NRG1: variants seen among roughly 807,000 people sequenced by gnomAD.
NRG1 encodes the protein pro-neuregulin-1, membrane-bound isoform.
A neutral mutation model predicts 63.8 loss-of-function variants in NRG1; 18 were observed. The ratio of observed to expected loss-of-function variants is 0.28; its 90% CI spans 0.19 to 0.42. The LOEUF is 0.42. Among genes scored for constraint, NRG1 ranks in the 10% least tolerant of loss-of-function variants. The pLI, the probability that NRG1 is intolerant of heterozygous loss-of-function variation, is 1.00. For missense variants in NRG1, 762 were observed against 814.7 expected, an observed-to-expected ratio of 0.94 and a Z score of 0.79; for synonymous variants, 302 against 301.3, an observed-to-expected ratio of 1.00 and a Z score of -0.02.
At chr8:32,452,034 G>A (rs1466760469) in intron 1 of NRG1, among the ~76,000 whole-genome samples, 1 of 152,010 alleles carries the variant, frequency 6.6e-6, no homozygotes, top group Non-Finnish European at 1.5e-5. Context: ...CATCATGTTG[G>A]CCAGGCTGAT....
At chr8:32,240,316 GT>G (rs1227686474) in intron 1 of NRG1, among the ~76,000 whole-genome samples, 10 of 152,196 alleles carry the variant, frequency 6.6e-5, no homozygotes, top group African/African-American at 2.4e-4. Flanking sequence ...AAGATTTCAT[GT>G]GATGTGATTT....
At chr8:32,571,927 C>T (rs1323777084) in intron 1 of NRG1, among the ~76,000 whole-genome samples, 1 of 152,132 alleles carries the variant, frequency 6.6e-6, no homozygotes, top group Non-Finnish European at 1.5e-5. Flanking sequence ...TAGTCAGAGA[C>T]TGAGCTGGAA....
intron 1 of NRG1, among the ~76,000 whole-genome samples, chr8:31,918,839 T>TC (rs956933530): frequency 1.1e-4 from 2 of 17,766 alleles, no homozygotes; most frequent in African/African-American, 4.1e-4. Context: ...TCCTGGACTC[T>TC]TTTTGGTTGG....
chr8:32,061,838 G>T (rs1586820365), intron 1 of NRG1: 1 of 152,074 alleles, frequency 6.6e-6, no homozygotes, highest in East Asian at 1.9e-4. Context: ...CATTAGGTGA[G>T]AAACATGAAC....
intron 1 of NRG1, among the ~76,000 whole-genome samples, chr8:32,486,861 G>A (rs1011744270): frequency 6.6e-6 from 1 of 152,036 alleles, no homozygotes; most frequent in African/African-American, 2.4e-5. Context: ...CTGACCTCAA[G>A]CAATTCACTT....
At chr8:32,641,457 T>G (rs1410504229) in intron 5 of NRG1, among the ~76,000 whole-genome samples, 2 of 152,100 alleles carry the variant, frequency 1.3e-5, no homozygotes, top group Non-Finnish European at 2.9e-5. Flanking sequence ...ACCAATAAAC[T>G]GTGTTTGTAG....
chr8:32,701,465 A>G (rs1332123976), intron 5 of NRG1, among the ~76,000 whole-genome samples: 1 of 152,178 alleles, frequency 6.6e-6, no homozygotes, highest in Non-Finnish European at 1.5e-5. Context: ...CAACTCAGTG[A>G]TAGAGGGGCG....
rs182187391 is a variant in NRG1, at chr8:32,128,394, G to A, written c.38-467434G>A. 4.6e-5 allele frequency among the ~76,000 whole-genome samples: 7 copies of A among 152,030 alleles called. No individual in the cohort carries two copies. In the East Asian group the frequency reaches 7.8e-4, roughly 17 times the overall value. ...ACATGGCAGGAAGTTAACAGGACAC[G>A]TTTGCAGTTCCAGTTTCATTGTCAA... On this transcript the variant is annotated intron_variant, in intron 1 of 10. Coordinates refer to the NRG1 transcript ENST00000519301.
At chr8:32,177,089 C>T (rs1382076323) in intron 1 of NRG1, among the ~76,000 whole-genome samples, 3 of 152,076 alleles carry the variant, frequency 2.0e-5, no homozygotes, top group Non-Finnish European at 4.4e-5. Flanking sequence ...AAATGCCCAA[C>T]AATGATAGAC....
At chr8:31,937,108 C>G (rs1801027622) in intron 1 of NRG1, among the ~76,000 whole-genome samples, 1 of 152,190 alleles carries the variant, frequency 6.6e-6, no homozygotes, top group Admixed American at 6.5e-5. Flanking sequence ...CAGAGTCAGC[C>G]TTCTCTCTTC....
chr8:32,010,988 A>T (rs375263361), intron 1 of NRG1, among the ~76,000 whole-genome samples: 3 of 152,188 alleles, frequency 2.0e-5, no homozygotes, highest in African/African-American at 7.2e-5. Context: ...TGTTTGCTTT[A>T]AAAAGTAATA....
intron 1 of NRG1, among the ~76,000 whole-genome samples, chr8:32,163,950 C>T (rs1839130648): frequency 6.6e-6 from 1 of 152,186 alleles, no homozygotes; most frequent in Admixed American, 6.5e-5. Context: ...ACTGGCTCCT[C>T]TAACTGCCTC....
intron 1 of NRG1, among the ~76,000 whole-genome samples, chr8:32,353,826 C>A (rs1240680697): frequency 6.6e-6 from 1 of 152,122 alleles, no homozygotes; most frequent in East Asian, 1.9e-4. Flanking sequence ...GGTATTTACT[C>A]AAGAGAAATG....
chr8:32,163,167 G>A (rs1276657808), intron 1 of NRG1, among the ~76,000 whole-genome samples: 1 of 152,188 alleles, frequency 6.6e-6, no homozygotes, highest in East Asian at 1.9e-4. Context: ...TCCAGGCAGA[G>A]TGGTCCTCAG....
At chr8:32,217,084 A>G (rs530441244) in intron 1 of NRG1, among the ~76,000 whole-genome samples, 1 of 151,750 alleles carries the variant, frequency 6.6e-6, no homozygotes, top group Non-Finnish European at 1.5e-5. Context: ...GTGGTGGCAC[A>G]TGTCTGTAAT....
chr8:32,440,062 A>G (rs1192000566), intron 1 of NRG1, among the ~76,000 whole-genome samples: 1 of 152,190 alleles, frequency 6.6e-6, no homozygotes, highest in Admixed American at 6.6e-5. Flanking sequence ...ACTTACAATC[A>G]TGGCGGAAGA....
chr8:32,181,970 G>A (rs2132111470), intron 1 of NRG1, among the ~76,000 whole-genome samples: 1 of 152,300 alleles, frequency 6.6e-6, no homozygotes, highest in African/African-American at 2.4e-5. Context: ...ATTTGAGTTA[G>A]TCTAAATGTA....
chr8:32,721,735 C>G, intron 5 of NRG1: 1 of 820,866 alleles, frequency 1.2e-6, no homozygotes. Context: ...ACAAGGCTTC[C>G]GTGGTTCTGA....
intron 11 of NRG1, chr8:32,763,503 A>G: frequency 8.9e-7 from 1 of 1,127,466 alleles, no homozygotes; most frequent in South Asian, 1.7e-5. Context: ...TGAAAATCCC[A>G]AAAGCTTTGA....
Sources: gnomAD v4.1 joint callset for allele counts (sites outside exome capture counted in the v4.1 genomes callset) on GRCh38, gnomAD v4.1.1 for gene constraint, MANE v1.5 for transcripts, NCBI Gene and HGNC (gene_info 2026-07-23, HGNC 2026-07-21) for gene names.